Variants in MS4A18 observed in about 807,000 individuals in gnomAD.
MS4A18 encodes the protein membrane spanning 4-domains A18, also known as membrane-spanning 4-domains subfamily A member 18.
MS4A18 carries 27 observed loss-of-function variants against 13.1 expected under a neutral mutation model. That is an observed-to-expected ratio of 2.06 (90% confidence interval 1.52 to 2.84). The LOEUF is 2.84. Among genes scored for constraint, MS4A18 ranks in the 30% most tolerant of loss-of-function variants. The pLI is 0.00. For synonymous variants in MS4A18, 126 were observed against 76.5 expected (o/e 1.65, Z -3.38); for missense variants, 307 against 196.4 (o/e 1.56, Z -3.37).
At chr11:60,733,602 T>C (rs1853289476) in exon 2 of MS4A18, 1 of 703,530 alleles carries the variant, frequency 1.4e-6, no homozygotes, top group Non-Finnish European at 2.6e-6. Flanking sequence ...ATTACTATCC[T>C]TTTGTGACCT....
intron 2 of MS4A18, 141 bp from the exon 4 acceptor site, chr11:60,736,837 G>T (rs535987390): frequency 6.5e-6 from 4 of 615,650 alleles, no homozygotes; most frequent in Non-Finnish European, 1.1e-5. Context: ...AATGTTGGGA[G>T]GAAATAAACA....
upstream of MS4A18, among the ~76,000 whole-genome samples, chr11:60,727,690 G>C (rs1590960599): frequency 6.6e-6 from 1 of 152,074 alleles, no homozygotes; most frequent in Admixed American, 6.6e-5. Context: ...TTGCCAGTAA[G>C]GACTGTATAA....
At chr11:60,728,348 C>T (rs6591620), upstream of MS4A18, among the ~76,000 whole-genome samples, 5,341 of 151,878 alleles carry the variant, frequency 0.035, 300 homozygotes, top group African/African-American at 0.12. Context: ...AACCTAGAAC[C>T]GAGAGTCAAA....
chr11:60,729,274 G>T, upstream of MS4A18: 1 of 679,302 alleles, frequency 1.5e-6, no homozygotes, highest in Non-Finnish European at 2.7e-6. Flanking sequence ...TGTCAGAAGA[G>T]GGAAATGCAC....
At chr11:60,730,067 G>A (rs1183807896) in intron 1 of MS4A18, among the ~76,000 whole-genome samples, 1 of 152,224 alleles carries the variant, frequency 6.6e-6, no homozygotes. Context: ...GCATGGGTCA[G>A]CAATAGTTCC....
intron 2 of MS4A18, among the ~76,000 whole-genome samples, chr11:60,735,437 C>T (rs1853321257): frequency 6.7e-6 from 1 of 150,334 alleles, no homozygotes; most frequent in Non-Finnish European, 1.5e-5. Flanking sequence ...GGGTTCACGC[C>T]ATTCTCCTGC....
chr11:60,735,767 G>A (rs1378525986), intron 2 of MS4A18, among the ~76,000 whole-genome samples: 2 of 143,422 alleles, frequency 1.4e-5, no homozygotes, highest in Admixed American at 7.2e-5. Flanking sequence ...AGGTTCAAGC[G>A]ATTGTCCTGC....
At chr11:60,734,056 C>T (rs1168463758) in intron 2 of MS4A18, among the ~76,000 whole-genome samples, 1 of 152,030 alleles carries the variant, frequency 6.6e-6, no homozygotes, top group Non-Finnish European at 1.5e-5. Context: ...CCAGCCTGGG[C>T]AACATGGCAA....
upstream of MS4A18, among the ~76,000 whole-genome samples, chr11:60,726,034 C>A (rs993433634): frequency 1.3e-5 from 2 of 152,178 alleles, no homozygotes; most frequent in Admixed American, 1.3e-4. Context: ...GTTCCACCAT[C>A]CATATGTCAC....
intron 1 of MS4A18, among the ~76,000 whole-genome samples, chr11:60,733,242 T>C (rs1362462275): frequency 1.3e-5 from 2 of 152,254 alleles, no homozygotes; most frequent in Non-Finnish European, 2.9e-5. Flanking sequence ...TGCACACTTG[T>C]GGGCTCAGTC....
chr11:60,736,946 T>C, intron 2 of MS4A18, 32 bp from the exon 4 acceptor site: 1 of 689,598 alleles, frequency 1.5e-6, no homozygotes, highest in South Asian at 1.6e-5. Context: ...GCACAATTGG[T>C]CATTCTTTTT....
chr11:60,735,420 G>A (rs896991397), intron 2 of MS4A18, among the ~76,000 whole-genome samples: 9 of 145,764 alleles, frequency 6.2e-5, no homozygotes, highest in East Asian at 2.0e-4. Flanking sequence ...TGCAAGCTCC[G>A]CCTCCCGGGT....
intron 4 of MS4A18, among the ~76,000 whole-genome samples, chr11:60,739,985 C>T (rs1219142931): frequency 6.6e-6 from 1 of 152,200 alleles, no homozygotes; most frequent in Non-Finnish European, 1.5e-5. Context: ...GGAGAGCTCC[C>T]TGAAGGCCCC....
At chr11:60,731,247 T>C (rs1468076329) in intron 1 of MS4A18, among the ~76,000 whole-genome samples, 3 of 152,228 alleles carry the variant, frequency 2.0e-5, no homozygotes, top group Non-Finnish European at 4.4e-5. Flanking sequence ...TATTAATTAA[T>C]ACTGGGTAAA....
intron 2 of MS4A18, among the ~76,000 whole-genome samples, chr11:60,736,365 G>A (rs1407736352): frequency 6.6e-6 from 1 of 151,906 alleles, no homozygotes; most frequent in Non-Finnish European, 1.5e-5. Flanking sequence ...AAGTGCTGGA[G>A]GAACGTCCTG....
chr11:60,734,582 G>A (rs1853307466), intron 2 of MS4A18, among the ~76,000 whole-genome samples: 1 of 152,070 alleles, frequency 6.6e-6, no homozygotes, highest in Admixed American at 6.6e-5. Context: ...ACACCCACAT[G>A]TACAATTCCA....
chr11:60,725,008 G>A (rs556395992), upstream of MS4A18, among the ~76,000 whole-genome samples: 1 of 152,282 alleles, frequency 6.6e-6, no homozygotes, highest in South Asian at 2.1e-4. Flanking sequence ...AGTCACAACA[G>A]GTTCTCAAAT....
At chr11:60,726,512 G>A (rs1456016166), upstream of MS4A18, among the ~76,000 whole-genome samples, 2 of 152,174 alleles carry the variant, frequency 1.3e-5, no homozygotes, top group Non-Finnish European at 2.9e-5. Flanking sequence ...ACAGATGGCT[G>A]ATCCTTGCCC....
chr11:60,735,373 G>A (rs1331422615), intron 2 of MS4A18, among the ~76,000 whole-genome samples: 5 of 138,060 alleles, frequency 3.6e-5, no homozygotes, highest in African/African-American at 5.5e-5. Flanking sequence ...TCGCTCTGTC[G>A]CCCAGGCTGG....
Sources: gnomAD v4.1 joint callset for allele counts (sites outside exome capture counted in the v4.1 genomes callset) on GRCh38, gnomAD v4.1.1 for gene constraint, MANE v1.5 for transcripts, NCBI Gene and HGNC (gene_info 2026-07-23, HGNC 2026-07-21) for gene names.